The following NHSL2 variants were observed in gnomAD, a reference collection of about 807,000 sequenced individuals.
NHSL2 encodes the protein NHS like 2, also known as NHS-like protein 2.
NHSL2 carries 27 observed loss-of-function variants against 53.4 expected under a neutral mutation model. The ratio of observed to expected loss-of-function variants is 0.51; its 90% confidence interval spans 0.37 to 0.70. The LOEUF (loss-of-function observed/expected upper bound fraction) is 0.70, where lower values mean the gene tolerates loss of function less well. Among genes scored for constraint, NHSL2 ranks in the 30% least tolerant of loss-of-function variants. NHSL2 has a pLI of 0.00. For synonymous variants in NHSL2, 408 were observed against 404.1 expected, an observed-to-expected ratio of 1.01 and a Z score of -0.12; for missense variants, 892 against 980.1, an observed-to-expected ratio of 0.91 and a Z score of 1.20.
intron 1 of NHSL2, among the ~76,000 whole-genome samples, chrX:72,018,424 G>A (rs2042144407): frequency 8.9e-6 from 1 of 112,898 alleles, no homozygotes; most frequent in Admixed American, 9.2e-5. Context: ...AACTCAACGC[G>A]ACAAGTGGAG....
chrX:71,960,205 G>T (rs1477639444), intron 1 of NHSL2, among the ~76,000 whole-genome samples: 3 of 112,078 alleles, frequency 2.7e-5, no homozygotes, highest in Non-Finnish European at 5.6e-5. Flanking sequence ...ATTTGTAATT[G>T]GGTGATTTGT....
chrX:72,096,385 A>C (rs2041943779), intron 1 of NHSL2, among the ~76,000 whole-genome samples: 1 of 112,000 alleles, frequency 8.9e-6, no homozygotes, highest in South Asian at 3.7e-4. Context: ...GCCAATCCCA[A>C]GGCTGGTGAG....
intron 1 of NHSL2, among the ~76,000 whole-genome samples, chrX:72,105,656 TG>T (rs891227562): frequency 9.0e-6 from 1 of 111,414 alleles, no homozygotes; most frequent in Non-Finnish European, 1.9e-5. Flanking sequence ...TGGGGTGACC[TG>T]CATCTCAAAG....
chrX:71,983,973 C>T (rs891056131), intron 1 of NHSL2, among the ~76,000 whole-genome samples: 1 of 111,468 alleles, frequency 9.0e-6, no homozygotes, highest in African/African-American at 3.3e-5. Context: ...CTAAGAAGGC[C>T]TAACTTACTG....
At chrX:72,088,091 C>T (rs2041865985) in intron 1 of NHSL2, among the ~76,000 whole-genome samples, 1 of 109,822 alleles carries the variant, frequency 9.1e-6, no homozygotes, top group Non-Finnish European at 1.9e-5. Flanking sequence ...ATTAGCTGGG[C>T]ATGGTGGCGC....
At chrX:72,063,638 C>T (rs891830765) in intron 1 of NHSL2, among the ~76,000 whole-genome samples, 5 of 111,101 alleles carry the variant, frequency 4.5e-5, no homozygotes, top group African/African-American at 1.3e-4. Flanking sequence ...CATTCTGCCT[C>T]GAATAGTCAA....
intron 1 of NHSL2, among the ~76,000 whole-genome samples, chrX:72,098,398 G>T (rs995384242): frequency 9.0e-6 from 1 of 111,100 alleles, no homozygotes; most frequent in African/African-American, 3.3e-5. Context: ...GGCTAACACG[G>T]TGAAACCCCG....
chrX:72,067,440 G>A (rs1032119004), intron 1 of NHSL2, among the ~76,000 whole-genome samples: 4 of 111,457 alleles, frequency 3.6e-5, no homozygotes, highest in African/African-American at 1.3e-4. Context: ...ATCATCTCAA[G>A]TTGTCATGGT....
At chrX:71,938,445 C>T (rs2041749731) in intron 1 of NHSL2, among the ~76,000 whole-genome samples, 1 of 112,231 alleles carries the variant, frequency 8.9e-6, no homozygotes, top group South Asian at 3.7e-4. Flanking sequence ...ATCTCCTTGG[C>T]GTCTTCTTCT....
intron 1 of NHSL2, among the ~76,000 whole-genome samples, chrX:72,035,938 C>T (rs761207102): frequency 6.3e-5 from 7 of 111,867 alleles, no homozygotes; most frequent in African/African-American, 2.3e-4. Flanking sequence ...TGAGCTCCGC[C>T]TCCTGTCTGA....
rs759378423 is a variant in NHSL2 at position 72,099,918 on chromosome X, T to C, written c.281-32161T>C. The stretch of plus-strand genomic sequence containing the variant: ...CAATTTCAAGAGCTTAAGAGCCACA[T>C]GTGGCTTCTGGCTACCGTATTGAAC... On this transcript the variant is annotated intron_variant, in intron 1 of 7. Coordinates refer to ENST00000633930, the MANE Select transcript of NHSL2 (RefSeq NM_001013627.3). 2.1e-3 allele frequency among the ~76,000 whole-genome samples: 234 copies of C among 111,688 alleles called. 2 individuals are homozygous for C. Among genetic ancestry groups the C allele is most frequent in the African/African-American group, 7.3e-3 (225 of 30,690 alleles).
In NHSL2 at chrX:72,091,816, G is replaced by A. The variant is rs779896337; in HGVS notation, c.281-40263G>A. Among the ~76,000 whole-genome samples, 11 of 111,756 alleles carry A rather than the reference G, an allele frequency of 9.8e-5. No individual in the cohort carries two copies. In the South Asian group the frequency reaches 4.1e-3, roughly 42 times the overall value. On this transcript the variant is annotated intron_variant, in intron 1 of 7. Transcript: ENST00000633930. Reference sequence around the variant, plus strand: ...ACAAACCCACGTGGTGCAAGTCCTAGAGTGTCAAAAGAGATTCTTTGATCC... The same window carrying A: ...ACAAACCCACGTGGTGCAAGTCCTAAAGTGTCAAAAGAGATTCTTTGATCC...
chrX:72,045,710 A>G (rs1351690775), intron 1 of NHSL2, among the ~76,000 whole-genome samples: 11 of 112,457 alleles, frequency 9.8e-5, no homozygotes, highest in Admixed American at 7.5e-4. Context: ...TTACGGAGAC[A>G]GGCCTTGGCC....
chrX:72,006,738 T>C (rs1429665538), intron 1 of NHSL2, among the ~76,000 whole-genome samples: 1 of 112,555 alleles, frequency 8.9e-6, no homozygotes, highest in African/African-American at 3.2e-5. Context: ...AGAGAAAGGT[T>C]CTTGCTCTGT....
At chrX:71,972,447 C>T (rs962301477) in intron 1 of NHSL2, among the ~76,000 whole-genome samples, 1 of 112,650 alleles carries the variant, frequency 8.9e-6, no homozygotes, top group Non-Finnish European at 1.9e-5. Flanking sequence ...ACCTTCTGCT[C>T]TCCGCTGTTT....
rs370237961 is a variant in NHSL2 at position 72,139,818 on chromosome X, C to T, written c.2270C>T (p.Pro757Leu). The change falls in exon 6 of 8, where the codon CCG becomes CTG. Residue 757 changes from proline (P) to leucine (L), a missense_variant. By Grantham distance (98) the Pro-to-Leu change is moderately conservative (BLOSUM62 -3). Transcript: ENST00000633930. ...VVPERKSSLP[P>L]TSPMEKFPKS... ...CCTGAGAGGAAGTCATCACTACCCC[C>T]GACGTCACCAATGGAGAAATTTCCC... is the stretch of plus-strand genomic sequence containing the variant. The T allele has an allele frequency of 7.4e-6, 9 of 1,210,406 alleles. No individual in the cohort carries two copies. The highest frequency in any genetic ancestry group is 8.9e-6 in the Non-Finnish European group (8 of 894,496).
Position 71,911,294 on chromosome X carries a change from C to T in NHSL2, c.207C>T (p.Tyr69=). The T allele has an allele frequency of 1.8e-6, 2 of 1,132,518 alleles. No individual in the cohort carries two copies. The highest frequency in any genetic ancestry group is 2.3e-6 in the Non-Finnish European group (2 of 859,165). 93.3% of individuals were successfully genotyped at this position (1,132,518 alleles called of 1,213,427 possible). The part of the protein sequence containing the change: ...LALGRRTDSL[Y]RRTVRLRRRL... ...TGGGGCGCCGCACAGACAGCCTGTA[C>T]CGGCGCACCGTGCGCCTCCGCCGCC... The change falls in exon 1 of 8, where the codon TAC becomes TAT. Residue 69 remains tyrosine (Y), a synonymous_variant. Coordinates refer to ENST00000633930, the MANE Select transcript of NHSL2 (RefSeq NM_001013627.3).
At chrX:72,130,191 C>T in intron 1 of NHSL2, 1 of 1,210,986 alleles carries the variant, frequency 8.3e-7, no homozygotes, top group African/African-American at 1.7e-5. Flanking sequence ...CCTCCTCCAC[C>T]TCACCATAGG....
rs1437334768 is a variant in NHSL2, at chrX:72,131,798, G to C, written c.281-281G>C. 32 of 231,113 alleles carry C rather than the reference G, an allele frequency of 1.4e-4. 1 individual carries two copies. The highest frequency in any genetic ancestry group is 2.1e-4 in the Non-Finnish European group (28 of 134,580). 19.0% of individuals were successfully genotyped at this position (231,113 alleles called of 1,213,427 possible). A position where few individuals can be genotyped will look rare whatever the true frequency, so the allele number is the denominator to read the frequency against. On this transcript the variant is annotated intron_variant, in intron 1 of 7. Coordinates refer to ENST00000633930, the MANE Select transcript of NHSL2 (RefSeq NM_001013627.3). ...AGGGCGGGCGGAGGCACGGGGCCCG[G>C]AGGCGCCAGGCGGAGGATGCGGGCG...
Sources: allele counts gnomAD v4.1 joint callset (sites outside exome capture counted in the v4.1 genomes callset), GRCh38; gene constraint gnomAD v4.1.1; transcripts MANE v1.5; gene names NCBI Gene and HGNC (gene_info 2026-07-23, HGNC 2026-07-21).